SRPK2: variants seen among roughly 807,000 people sequenced by gnomAD.
SRPK2 encodes the protein SFRS protein kinase 2.
Under a neutral mutation model 90.8 loss-of-function variants are expected in SRPK2, and 21 were observed. The ratio of observed to expected loss-of-function variants is 0.23; its 90% CI spans 0.16 to 0.33. SRPK2 has a LOEUF of 0.33. Among genes scored for constraint, SRPK2 ranks in the 10% least tolerant of loss-of-function variants. SRPK2 has a pLI of 1.00. For synonymous variants in SRPK2, 288 were observed against 311.1 expected, an observed-to-expected ratio of 0.93 and a Z score of 0.78; for missense variants, 620 against 869.0, an observed-to-expected ratio of 0.71 and a Z score of 3.60.
At chr7:105,395,418 A>C (rs943521205) in intron 1 of SRPK2, among the ~76,000 whole-genome samples, 2 of 151,840 alleles carry the variant, frequency 1.3e-5, no homozygotes, top group Non-Finnish European at 2.9e-5. Context: ...CTCACCGAGA[A>C]GGTAACACTG....
At chr7:105,209,830 A>T (rs1286784275) in intron 2 of SRPK2, among the ~76,000 whole-genome samples, 1 of 152,204 alleles carries the variant, frequency 6.6e-6, no homozygotes, top group African/African-American at 2.4e-5. Flanking sequence ...CTAGCTACTT[A>T]TATTTTTCAC....
At chr7:105,123,392 A>G (rs1800686206) in intron 15 of SRPK2, among the ~76,000 whole-genome samples, 1 of 152,168 alleles carries the variant, frequency 6.6e-6, no homozygotes, top group Non-Finnish European at 1.5e-5. Flanking sequence ...TCTGCCTCTG[A>G]CCCAGAGGAG....
Position 105,365,068 on chromosome 7 carries a change from G to C in SRPK2, c.71+23580C>G, listed in dbSNP as rs1176088037. On this transcript the variant is annotated intron_variant, in intron 2 of 15. Coordinates refer to ENST00000393651, the MANE Select transcript of SRPK2 (RefSeq NM_182692.3). ...GACTACATTTGCACAAAAGAGTAGA[G>C]TTAGCCCATCCCTTCCTGCCTTAAA... Among the ~76,000 whole-genome samples the C allele has an allele frequency of 2.6e-5, 4 of 152,174 alleles. No individual in the cohort carries two copies. In the East Asian group the frequency reaches 7.7e-4, roughly 29 times the overall value.
chr7:105,261,650 C>T (rs1585416728), intron 2 of SRPK2, among the ~76,000 whole-genome samples: 2 of 152,134 alleles, frequency 1.3e-5, no homozygotes, highest in African/African-American at 4.8e-5. Flanking sequence ...ACTCCCCATA[C>T]CAAGAAAGTC....
At chr7:105,127,210 T>C (rs1267632800) in intron 13 of SRPK2, 148 bp from the exon 14 acceptor site, 7 of 643,602 alleles carry the variant, frequency 1.1e-5, no homozygotes, top group East Asian at 2.7e-5. Flanking sequence ...AATTTTTTTC[T>C]TTCTTCCACA....
intron 2 of SRPK2, among the ~76,000 whole-genome samples, chr7:105,377,096 C>T (rs1448078070): frequency 6.6e-6 from 1 of 152,110 alleles, no homozygotes; most frequent in African/African-American, 2.4e-5. Context: ...GATTAAGGCT[C>T]ATCTCACTTG....
In SRPK2 at chr7:105,325,505, T is replaced by C. The variant is rs866364023; in HGVS notation, c.71+63143A>G. Among the ~76,000 whole-genome samples, 10 of 62,972 alleles carry C rather than the reference T, an allele frequency of 1.6e-4. 1 individual carries two copies. The South Asian group carries it at 4.7e-3, about 30-fold the overall frequency. 41.3% of individuals were successfully genotyped at this position (62,972 alleles called of 152,430 possible). On this transcript the variant is annotated intron_variant, in intron 2 of 15. Coordinates refer to ENST00000393651, the MANE Select transcript of SRPK2 (RefSeq NM_182692.3). ...AGTCTTCAAAAAAAAAAAAAAAAAA[T>C]GATGTCCATTATTTAATGGCATCAT...
chr7:105,337,854 A>C (rs531082448), intron 2 of SRPK2, among the ~76,000 whole-genome samples: 1 of 152,302 alleles, frequency 6.6e-6, no homozygotes, highest in African/African-American at 2.4e-5. Context: ...CAACTAAGAC[A>C]GTGATGTATA....
chr7:105,171,506 A>G (rs1323940284), intron 3 of SRPK2, among the ~76,000 whole-genome samples: 2 of 152,276 alleles, frequency 1.3e-5, no homozygotes, highest in African/African-American at 4.8e-5. Flanking sequence ...ATTACTCAAT[A>G]AAGATGTGGA....
At chr7:105,131,416 C>T (rs1407445096) in intron 13 of SRPK2, among the ~76,000 whole-genome samples, 2 of 152,194 alleles carry the variant, frequency 1.3e-5, no homozygotes, top group East Asian at 1.9e-4. Context: ...TTCTTTTAAC[C>T]GTTCTTTTCT....
intron 2 of SRPK2, among the ~76,000 whole-genome samples, chr7:105,287,686 A>T (rs370289003): frequency 6.6e-6 from 1 of 152,192 alleles, no homozygotes; most frequent in East Asian, 1.9e-4. Flanking sequence ...TGGTGAGCTG[A>T]GATCACACCA....
In SRPK2 at chr7:105,117,823, T is replaced by C. The variant is rs1240827442; in HGVS notation, c.*15A>G. 6.2e-7 allele frequency: 1 copy of C among 1,611,804 alleles called. No homozygotes were observed. Among genetic ancestry groups the C allele is most frequent in the African/African-American group, 1.3e-5 (1 of 74,862 alleles). On this transcript the variant is annotated 3_prime_UTR_variant, in exon 16 of 16. Transcript: ENST00000393651. ...GAACATTTGCTAGCTCAGAATGCAA[T>C]ATTGGTAGAATTTGCTAAGAATTCA... is the stretch of plus-strand genomic sequence containing the variant.
intron 10 of SRPK2, 148 bp from the exon 11 acceptor site, chr7:105,142,638 A>G: frequency 1.8e-6 from 2 of 1,110,376 alleles, no homozygotes; most frequent in Admixed American, 3.0e-5. Context: ...TAAAACCTTC[A>G]GGTTTTCTAA....
At chr7:105,336,692 C>T (rs1269637185) in intron 2 of SRPK2, among the ~76,000 whole-genome samples, 1 of 152,164 alleles carries the variant, frequency 6.6e-6, no homozygotes, top group African/African-American at 2.4e-5. Context: ...AAACTACTTC[C>T]AGATTTTAAA....
chr7:105,244,160 C>T (rs964225379), intron 2 of SRPK2, among the ~76,000 whole-genome samples: 1 of 152,188 alleles, frequency 6.6e-6, no homozygotes, highest in Admixed American at 6.5e-5. Flanking sequence ...TAGGTGGAGA[C>T]CCCACTGAGT....
intron 2 of SRPK2, among the ~76,000 whole-genome samples, chr7:105,341,984 C>A (rs1335035203): frequency 6.7e-6 from 1 of 149,386 alleles, no homozygotes; most frequent in African/African-American, 2.5e-5. Context: ...TAAATAAGGG[C>A]TGGGCAGGGT....
intron 2 of SRPK2, among the ~76,000 whole-genome samples, chr7:105,208,354 G>A (rs759162081): frequency 2.0e-5 from 3 of 152,124 alleles, no homozygotes; most frequent in Admixed American, 6.5e-5. Flanking sequence ...GTTCAGAGAA[G>A]TACTACTATT....
chr7:105,134,339 C>T (rs903151123), intron 11 of SRPK2, among the ~76,000 whole-genome samples: 1 of 152,146 alleles, frequency 6.6e-6, no homozygotes, highest in Non-Finnish European at 1.5e-5. Flanking sequence ...GTAGCACGTC[C>T]CCCTTCTCTC....
chr7:105,163,742 C>T (rs912524464), intron 6 of SRPK2, among the ~76,000 whole-genome samples: 8 of 152,072 alleles, frequency 5.3e-5, no homozygotes, highest in Non-Finnish European at 7.4e-5. Context: ...ACCCGGGAGG[C>T]GGAGGTTGTG....
Sources: allele counts gnomAD v4.1 joint callset (sites outside exome capture counted in the v4.1 genomes callset), GRCh38; gene constraint gnomAD v4.1.1; transcripts MANE v1.5; gene names NCBI Gene and HGNC (gene_info 2026-07-23, HGNC 2026-07-21).